Variants in RALGAPA2 observed in about 807,000 individuals in gnomAD.
RALGAPA2 encodes Ral GTPase activating protein catalytic subunit alpha 2.
A neutral mutation model predicts 230.4 loss-of-function variants in RALGAPA2; 139 were observed. The observed-to-expected ratio is 0.60, with a 90% confidence interval of 0.53 to 0.69. The LOEUF is 0.69. Ranked by LOEUF, RALGAPA2 falls within the 30% of genes least tolerant of loss-of-function variation. The pLI is 0.00. For missense variants in RALGAPA2, 2,163 were observed against 2,276.0 expected (o/e 0.95, Z 1.01); for synonymous variants, 847 against 837.8 (o/e 1.01, Z -0.19).
chr20:20,557,446 A>G (rs1265649799), intron 23 of RALGAPA2, among the ~76,000 whole-genome samples: 1 of 152,240 alleles, frequency 6.6e-6, no homozygotes, highest in Admixed American at 6.5e-5. Flanking sequence ...TACTTTTCCC[A>G]GGTTTATTAT....
At chr20:20,633,199 A>G (rs1330515276) in intron 9 of RALGAPA2, among the ~76,000 whole-genome samples, 1 of 151,512 alleles carries the variant, frequency 6.6e-6, no homozygotes, top group Non-Finnish European at 1.5e-5. Flanking sequence ...CAGTGGCACA[A>G]TCTCTGCTCA....
rs372882025 is a variant in RALGAPA2 at position 20,546,752 on chromosome 20, C to G, written c.3237G>C (p.Gly1079=). 2 of 1,611,892 alleles carry G rather than the reference C, an allele frequency of 1.2e-6. No homozygotes were observed. Among genetic ancestry groups the G allele is most frequent in the African/African-American group, 2.7e-5 (2 of 74,796 alleles). Residue 1079 remains glycine, a synonymous_variant, in exon 24 of 40, where the codon GGG becomes GGC. Transcript: ENST00000202677. The part of the protein sequence containing the change: ...LGFPGFSMLV[G]DFITAAARVL... ...CCCTGGCAGCGGCCGTGATGAAGTC[C>G]CCCACCAGCATTGAGAAGCCAGGAA...
intron 23 of RALGAPA2, among the ~76,000 whole-genome samples, chr20:20,562,226 T>C (rs1302326705): frequency 6.6e-6 from 1 of 152,064 alleles, no homozygotes; most frequent in Non-Finnish European, 1.5e-5. Context: ...ATATATCTAC[T>C]GAGCATCTAC....
At chr20:20,538,160 C>T (rs2063547384) in intron 24 of RALGAPA2, among the ~76,000 whole-genome samples, 1 of 152,328 alleles carries the variant, frequency 6.6e-6, no homozygotes, top group African/African-American at 2.4e-5. Flanking sequence ...CTGAGGATAG[C>T]ATGGGAGCCC....
At chr20:20,532,335 G>A (rs149741096) in intron 26 of RALGAPA2, among the ~76,000 whole-genome samples, 26 of 152,208 alleles carry the variant, frequency 1.7e-4, no homozygotes, top group African/African-American at 2.6e-4. Flanking sequence ...ACAGAAAGCC[G>A]ACCATGCCAT....
intron 37 of RALGAPA2, among the ~76,000 whole-genome samples, chr20:20,441,357 T>G (rs1356326512): frequency 6.6e-6 from 1 of 152,156 alleles, no homozygotes. Context: ...CTGCCAATGT[T>G]TAGGTGGAAG....
chr20:20,637,594 A>T, intron 7 of RALGAPA2, 93 bp from the exon 8 acceptor site: 2 of 1,123,736 alleles, frequency 1.8e-6, no homozygotes, highest in Non-Finnish European at 2.5e-6. Context: ...TAAAATTCCT[A>T]ACCTAAATGT....
At position 20,408,570 on chromosome 20, in the gene RALGAPA2, T is replaced by C. The variant is rs373517467; in HGVS notation, c.5617+3457A>G. On this transcript the variant is annotated intron_variant, in intron 38 of 39. Transcript: ENST00000202677. ...ATTAGCATGCAGAAGAATGACCTCA[T>C]GGTGAACAGATGCACTTGGCTGTGA... 4.5e-4 allele frequency among the ~76,000 whole-genome samples: 68 copies of C among 152,348 alleles called. No individual in the cohort carries two copies. In the South Asian group the frequency reaches 0.011, roughly 24 times the overall value.
At chr20:20,401,440 T>C (rs1051507982) in intron 38 of RALGAPA2, among the ~76,000 whole-genome samples, 3 of 152,200 alleles carry the variant, frequency 2.0e-5, no homozygotes, top group South Asian at 2.1e-4. Flanking sequence ...AACCCACTGC[T>C]GGCACACTGC....
At chr20:20,635,736 A>G in intron 8 of RALGAPA2, 119 bp from the exon 9 acceptor site, 1 of 823,048 alleles carries the variant, frequency 1.2e-6, no homozygotes. Flanking sequence ...AGCAACTAAG[A>G]ATGAAGAACC....
At chr20:20,650,874 T>G (rs969174594) in intron 4 of RALGAPA2, among the ~76,000 whole-genome samples, 3 of 152,198 alleles carry the variant, frequency 2.0e-5, no homozygotes, top group Non-Finnish European at 4.4e-5. Flanking sequence ...ATGTATATAA[T>G]TACAAATCCA....
intron 4 of RALGAPA2, among the ~76,000 whole-genome samples, chr20:20,644,562 G>A (rs1568695325): frequency 6.6e-6 from 1 of 152,188 alleles, no homozygotes; most frequent in Non-Finnish European, 1.5e-5. Flanking sequence ...CGATTCTACT[G>A]TTCATAACAA....
intron 34 of RALGAPA2, among the ~76,000 whole-genome samples, chr20:20,503,816 T>C (rs2062450483): frequency 6.6e-6 from 1 of 152,228 alleles, no homozygotes; most frequent in African/African-American, 2.4e-5. Context: ...TGTGTGTGTA[T>C]ACATAGGTTC....
At chr20:20,456,745 T>A (rs2061130744) in intron 37 of RALGAPA2, among the ~76,000 whole-genome samples, 1 of 152,166 alleles carries the variant, frequency 6.6e-6, no homozygotes, top group African/African-American at 2.4e-5. Flanking sequence ...GTAAGAACCA[T>A]CCAGCTGAGC....
chr20:20,604,598 G>A (rs918666529), intron 15 of RALGAPA2, among the ~76,000 whole-genome samples: 2 of 152,148 alleles, frequency 1.3e-5, no homozygotes, highest in Non-Finnish European at 2.9e-5. Flanking sequence ...CGTGACCCAT[G>A]GGCCACATGA....
chr20:20,680,882 G>A (rs539774533), intron 1 of RALGAPA2, 81 bp from the exon 2 acceptor site: 6 of 1,495,796 alleles, frequency 4.0e-6, no homozygotes, highest in Admixed American at 5.8e-5. Flanking sequence ...CAGAAAAGAA[G>A]GCAAGTACAA....
chr20:20,704,349 C>T (rs1230913185), intron 1 of RALGAPA2, among the ~76,000 whole-genome samples: 1 of 152,126 alleles, frequency 6.6e-6, no homozygotes, highest in Admixed American at 6.6e-5. Context: ...ACTCAAATTC[C>T]TCCAGTTCTA....
intron 37 of RALGAPA2, among the ~76,000 whole-genome samples, chr20:20,461,275 T>C (rs1286239198): frequency 6.6e-6 from 1 of 152,218 alleles, no homozygotes; most frequent in East Asian, 1.9e-4. Context: ...CTCTTCTTTT[T>C]ATAGGGGTTA....
Position 20,465,197 on chromosome 20 carries a change from A to ACACACACACACACACT in RALGAPA2, c.5495+7631_5495+7632insAGTGTGTGTGTGTGTG, listed in dbSNP as rs772089136. ...CACACACACACACACACACACACAC[A>ACACACACACACACACT]CTCTCTCATACTAGGGGACAGCAGC... On this transcript the variant is annotated intron_variant, in intron 37 of 39. Transcript: ENST00000202677. Among the ~76,000 whole-genome samples, 135 of 147,384 alleles carry ACACACACACACACACT rather than the reference A, an allele frequency of 9.2e-4. 1 individual carries two copies. Among genetic ancestry groups the ACACACACACACACACT allele is most frequent in the Non-Finnish European group, 1.3e-3 (86 of 66,972 alleles).
Sources: gnomAD v4.1 joint callset for allele counts (sites outside exome capture counted in the v4.1 genomes callset) on GRCh38, gnomAD v4.1.1 for gene constraint, MANE v1.5 for transcripts, NCBI Gene and HGNC (gene_info 2026-07-23, HGNC 2026-07-21) for gene names.